The following SIM2 variants were observed in gnomAD, a reference collection of about 807,000 sequenced individuals.
SIM2 encodes the protein SIM bHLH transcription factor 2, also known as single-minded homolog 2.
A neutral mutation model predicts 64.8 loss-of-function variants in SIM2; 28 were observed. The ratio of observed to expected loss-of-function variants is 0.43; its 90% confidence interval spans 0.32 to 0.59. The LOEUF (loss-of-function observed/expected upper bound fraction) is 0.59, where lower values mean the gene tolerates loss of function less well. Ranked by LOEUF, SIM2 falls within the 20% of genes least tolerant of loss-of-function variation. The pLI, the probability that SIM2 is intolerant of heterozygous loss-of-function variation, is 0.07. For synonymous variants in SIM2, 408 were observed against 391.1 expected, an observed-to-expected ratio of 1.04 and a Z score of -0.51; for missense variants, 847 against 871.4, an observed-to-expected ratio of 0.97 and a Z score of 0.35.
At chr21:36,703,772 G>A (rs1601683387) in intron 1 of SIM2, among the ~76,000 whole-genome samples, 1 of 152,244 alleles carries the variant, frequency 6.6e-6, no homozygotes, top group African/African-American at 2.4e-5. Context: ...GTGGCCCTCC[G>A]TTCTGGAGAT....
chr21:36,704,073 G>C (rs927772389), intron 1 of SIM2, among the ~76,000 whole-genome samples: 66 of 152,248 alleles, frequency 4.3e-4, no homozygotes, highest in African/African-American at 1.5e-3. Context: ...AGAAAGAATT[G>C]CTACTCCAGA....
chr21:36,701,960 T>C (rs1256769416), intron 1 of SIM2, among the ~76,000 whole-genome samples: 1 of 152,152 alleles, frequency 6.6e-6, no homozygotes, highest in Non-Finnish European at 1.5e-5. Context: ...GATCAAATGA[T>C]TTGCGGTCAA....
rs189352419 is a variant in SIM2 at position 36,718,846 on chromosome 21, G to C, written c.349-975G>C. On this transcript the variant is annotated intron_variant, in intron 3 of 10. Transcript: ENST00000290399. ...CTGTGCCACTGTCCATCTTAAGGTG[G>C]GTGGGGGCCCAGGTGTTGAGACTCT... Among the ~76,000 whole-genome samples the C allele has an allele frequency of 3.0e-4, 46 of 152,318 alleles. No individual in the cohort carries two copies. In the East Asian group the frequency reaches 8.5e-3, roughly 28 times the overall value.
rs756590082 is a variant in SIM2 at position 36,745,193 on chromosome 21, A to G, written c.1576+57A>G. ...AGGACTGCGCACGGCCGGGAGCCGA[A>G]GCAGCCATGGCGGTGGGTGGCAGAT... is the stretch of plus-strand genomic sequence containing the variant. On this transcript the variant is annotated intron_variant, in intron 10 of 10. Transcript: ENST00000290399. The surrounding 1 kb of genome is among the most constrained non-coding windows in gnomAD (Gnocchi z 4.8). The G allele has an allele frequency of 7.1e-6, 11 of 1,551,654 alleles. No homozygotes were observed. The South Asian group carries it at 1.2e-4, about 17-fold the overall frequency.
At chr21:36,736,397 T>A (rs1165127728) in intron 7 of SIM2, among the ~76,000 whole-genome samples, 1 of 152,136 alleles carries the variant, frequency 6.6e-6, no homozygotes, top group African/African-American at 2.4e-5. Context: ...GAGGTGGTGG[T>A]CCGGGAGGGC....
In SIM2 at chr21:36,744,739, G is replaced by A. The variant is rs2073416; in HGVS notation, c.1179G>A (p.Ser393=). Residue 393 remains serine (S), a synonymous_variant, in exon 10 of 11, where the codon TCG becomes TCA. Coordinates refer to ENST00000290399, the MANE Select transcript of SIM2 (RefSeq NM_005069.6). ...TCTTTGCCATGCAGCAATACAGCTC[G>A]TTCCAAATGGACAAACTGGAATGCG... ...TNPYPPQQYS[S]FQMDKLECGQ... 345,164 of 1,601,752 alleles carry A rather than the reference G, an allele frequency of 0.22. 39,180 individuals carry two copies. The highest frequency in any genetic ancestry group is 0.37 in the African/African-American group (27,723 of 74,756).
intron 1 of SIM2, among the ~76,000 whole-genome samples, chr21:36,708,021 G>C (rs2088613016): frequency 6.6e-6 from 1 of 152,144 alleles, no homozygotes; most frequent in Admixed American, 6.5e-5. Flanking sequence ...AGCTCGCTCC[G>C]CAGGGGTCGC....
At chr21:36,731,276 A>G in intron 7 of SIM2, 125 bp downstream of exon 7, 1 of 656,184 alleles carries the variant, frequency 1.5e-6, no homozygotes, top group East Asian at 2.8e-5. Flanking sequence ...CTTGAATCTC[A>G]AGCCCCAAGT....
intron 7 of SIM2, among the ~76,000 whole-genome samples, chr21:36,735,924 C>T (rs969817507): frequency 6.6e-6 from 1 of 152,182 alleles, no homozygotes; most frequent in African/African-American, 2.4e-5. Context: ...CAGGGCCTGG[C>T]TTGAGGGAAG....
chr21:36,745,156 G>C lies in SIM2; in HGVS notation c.1576+20G>C, dbSNP rs779310089. 3 of 1,598,082 alleles carry C rather than the reference G, an allele frequency of 1.9e-6. No individual in the cohort carries two copies. Among genetic ancestry groups the C allele is most frequent in the Non-Finnish European group, 1.7e-6 (2 of 1,171,918 alleles). ...ACGAAGGTGGGTCAGGTCTGCTCGT[G>C]GGGAAGGTGGGAGGACTGCGCACGG... On this transcript the variant is annotated intron_variant, in intron 10 of 10. Coordinates refer to ENST00000290399, the MANE Select transcript of SIM2 (RefSeq NM_005069.6). The surrounding 1 kb of genome is among the most constrained non-coding windows in gnomAD (Gnocchi z 4.8).
At chr21:36,724,539 A>G (rs1283131200) in intron 5 of SIM2, among the ~76,000 whole-genome samples, 2 of 152,184 alleles carry the variant, frequency 1.3e-5, no homozygotes, top group Non-Finnish European at 2.9e-5. Context: ...TTGGCCTCCC[A>G]AAGTGTCAGG....
chr21:36,740,478 T>G (rs2089146402), intron 7 of SIM2, among the ~76,000 whole-genome samples: 1 of 152,202 alleles, frequency 6.6e-6, no homozygotes, highest in Non-Finnish European at 1.5e-5. Flanking sequence ...TTTAGGGTCT[T>G]TGTGTTTTTA....
In SIM2 at chr21:36,743,551, C is replaced by A. The variant is rs370355073; in HGVS notation, c.1163C>A (p.Pro388Gln). Reference protein sequence around the residue: ...KTKLRTNPYPPQQYSSFQMDK... With the variant: ...KTKLRTNPYPQQQYSSFQMDK... ...AAGCTGAGAACAAACCCTTACCCCCCACAGGTAACACGCATGTCCTGCAGT... is the reference window on the plus strand; with the variant it reads ...AAGCTGAGAACAAACCCTTACCCCCAACAGGTAACACGCATGTCCTGCAGT... Residue 388 changes from proline (P) to glutamine (Q), a missense_variant, in exon 9 of 11, where the codon CCA (proline) becomes CAA (glutamine). Pro to Gln is a moderately conservative substitution (Grantham distance 76). Transcript: ENST00000290399. 2.1e-5 allele frequency: 34 copies of A among 1,613,018 alleles called. No homozygotes were observed. In the African/African-American group the frequency reaches 3.7e-4, roughly 18 times the overall value.
chr21:36,741,980 C>T, intron 8 of SIM2, 116 bp downstream of exon 8: 5 of 1,101,154 alleles, frequency 4.5e-6, no homozygotes, highest in East Asian at 3.0e-5. Context: ...CATTTGTCTT[C>T]TGTTTTTTTT....
intron 1 of SIM2, among the ~76,000 whole-genome samples, chr21:36,705,132 C>G (rs1601684568): frequency 6.6e-6 from 1 of 152,198 alleles, no homozygotes; most frequent in Admixed American, 6.5e-5. Context: ...CTGAGCCTAC[C>G]GCCCTTGCAG....
chr21:36,742,478 G>A (rs1208957117), intron 8 of SIM2, among the ~76,000 whole-genome samples: 2 of 149,160 alleles, frequency 1.3e-5, no homozygotes, highest in African/African-American at 5.0e-5. Flanking sequence ...AGCTGGTCTC[G>A]AACTCCTGGC....
Position 36,748,045 on chromosome 21 carries a change from C to G in SIM2, c.1957C>G (p.Leu653Val), listed in dbSNP as rs866508702. 12 of 1,201,058 alleles carry G rather than the reference C, an allele frequency of 1.0e-5. No homozygotes were observed. The highest frequency in any genetic ancestry group is 1.0e-6 in the Non-Finnish European group (1 of 968,688). 74.4% of individuals were successfully genotyped at this position (1,201,058 alleles called of 1,614,324 possible). A position where few individuals can be genotyped will look rare whatever the true frequency, so the allele number is the denominator to read the frequency against. ...PAATSPPGAP[L>V]PHYLGASVII... The stretch of plus-strand genomic sequence containing the variant: ...CGCCACCTCCCCGCCCGGCGCGCCC[C>G]TGCCGCACTACCTGGGCGCCTCGGT... The change falls in exon 11 of 11, where the codon CTG becomes GTG. Residue 653 changes from leucine (L) to valine (V), a missense_variant. By Grantham distance (32) the Leu-to-Val change is conservative. Coordinates refer to ENST00000290399, the MANE Select transcript of SIM2 (RefSeq NM_005069.6).
chr21:36,720,885 T>G (rs2088815600), intron 4 of SIM2, among the ~76,000 whole-genome samples: 1 of 152,190 alleles, frequency 6.6e-6, no homozygotes, highest in African/African-American at 2.4e-5. Context: ...TATGTGTGCT[T>G]TGGACTATGG....
intron 1 of SIM2, among the ~76,000 whole-genome samples, chr21:36,702,532 T>C (rs1180190556): frequency 2.6e-5 from 4 of 152,180 alleles, no homozygotes; most frequent in Admixed American, 2.6e-4. Flanking sequence ...GTAGGGAAGC[T>C]GGGAACTTGG....
Sources: allele counts gnomAD v4.1 joint callset (sites outside exome capture counted in the v4.1 genomes callset), GRCh38; gene constraint gnomAD v4.1.1; non-coding constraint Gnocchi (gnomAD v3.1); transcripts MANE v1.5; gene names NCBI Gene and HGNC (gene_info 2026-07-23, HGNC 2026-07-21).